The following CFAP299 variants were observed in gnomAD, a reference collection of about 807,000 sequenced individuals.
The protein encoded by CFAP299 is cilia- and flagella-associated protein 299.
CFAP299 carries 21 observed loss-of-function variants against 27.0 expected under a neutral mutation model. The observed-to-expected ratio is 0.78, with a 90% CI of 0.55 to 1.12. The LOEUF (loss-of-function observed/expected upper bound fraction) is 1.12, where lower values mean the gene tolerates loss of function less well. Ranked by LOEUF, CFAP299 falls within the 50% of genes most tolerant of loss-of-function variation. The pLI, the probability that CFAP299 is intolerant of heterozygous loss-of-function variation, is 0.00. For synonymous variants in CFAP299, 104 were observed against 98.1 expected, an observed-to-expected ratio of 1.06 and a Z score of -0.36; for missense variants, 310 against 276.6, an observed-to-expected ratio of 1.12 and a Z score of -0.86.
chr4:80,590,218 A>G (rs1736657979), intron 3 of CFAP299, among the ~76,000 whole-genome samples: 1 of 152,236 alleles, frequency 6.6e-6, no homozygotes, highest in South Asian at 2.1e-4. Context: ...ACACTCCGTC[A>G]CTGATGAATT....
chr4:80,651,298 TC>T (rs1560677735), intron 3 of CFAP299, among the ~76,000 whole-genome samples: 1 of 150,278 alleles, frequency 6.7e-6, no homozygotes, highest in Non-Finnish European at 1.5e-5. Flanking sequence ...TTACTCTCTC[TC>T]TCTTTCTTTC....
chr4:80,403,520 A>G (rs1043306342), intron 2 of CFAP299, among the ~76,000 whole-genome samples: 2 of 152,012 alleles, frequency 1.3e-5, no homozygotes, highest in African/African-American at 4.8e-5. Flanking sequence ...GGCCCTTTGC[A>G]TTTGCTATTC....
intron 2 of CFAP299, among the ~76,000 whole-genome samples, chr4:80,527,458 T>A (rs1192562811): frequency 1.3e-5 from 2 of 152,128 alleles, no homozygotes; most frequent in Non-Finnish European, 2.9e-5. Context: ...TTAATCTTTC[T>A]AGAATATCAC....
At position 80,727,769 on chromosome 4, in the gene CFAP299, A is replaced by G. The variant is rs114029752; in HGVS notation, c.334-142224A>G. On this transcript the variant is annotated intron_variant, in intron 3 of 5. Coordinates refer to ENST00000358105, the MANE Select transcript of CFAP299 (RefSeq NM_152770.3). ...TCATTTCAGGATGTTGCTCAAATATATTCTGTCATTACATTTGGGACAGAG... is the reference window on the plus strand; with the variant it reads ...TCATTTCAGGATGTTGCTCAAATATGTTCTGTCATTACATTTGGGACAGAG... Among the ~76,000 whole-genome samples the G allele has an allele frequency of 1.1e-3, 164 of 152,092 alleles. 1 individual carries two copies. The highest frequency in any genetic ancestry group is 3.7e-3 in the African/African-American group (155 of 41,550).
chr4:80,556,316 A>G (rs1465869079), intron 2 of CFAP299, among the ~76,000 whole-genome samples: 1 of 152,086 alleles, frequency 6.6e-6, no homozygotes, highest in Non-Finnish European at 1.5e-5. Context: ...GGATCAAAGA[A>G]AAACAAATTT....
intron 3 of CFAP299, among the ~76,000 whole-genome samples, chr4:80,726,889 A>G (rs967892296): frequency 6.6e-6 from 1 of 152,090 alleles, no homozygotes; most frequent in African/African-American, 2.4e-5. Flanking sequence ...GTGTTTATCA[A>G]TTGGTATTTT....
At chr4:80,573,603 A>G (rs575061055) in intron 2 of CFAP299, among the ~76,000 whole-genome samples, 2 of 152,198 alleles carry the variant, frequency 1.3e-5, no homozygotes, top group South Asian at 4.1e-4. Flanking sequence ...GAGGTCTTAG[A>G]TTTAAGTCTT....
intron 4 of CFAP299, among the ~76,000 whole-genome samples, chr4:80,912,068 C>A (rs1735498913): frequency 6.6e-6 from 1 of 151,932 alleles, no homozygotes; most frequent in Non-Finnish European, 1.5e-5. Context: ...AGCATTTGAT[C>A]CTCTAAATAA....
chr4:80,553,763 G>GT (rs1463770878), intron 2 of CFAP299, among the ~76,000 whole-genome samples: 5 of 152,102 alleles, frequency 3.3e-5, no homozygotes, highest in African/African-American at 7.2e-5. Flanking sequence ...TGATACTGAG[G>GT]TTTTTTCATA....
chr4:80,466,992 A>G (rs1729736322), intron 2 of CFAP299, among the ~76,000 whole-genome samples: 1 of 152,198 alleles, frequency 6.6e-6, no homozygotes, highest in African/African-American at 2.4e-5. Context: ...TACATAGTAG[A>G]ATTTAAAATT....
chr4:80,708,075 G>C (rs2110033827), intron 3 of CFAP299, among the ~76,000 whole-genome samples: 1 of 152,128 alleles, frequency 6.6e-6, no homozygotes, highest in Non-Finnish European at 1.5e-5. Flanking sequence ...ATAGAAATCA[G>C]GAATCTAGTA....
At chr4:80,530,288 C>A (rs1181663732) in intron 2 of CFAP299, among the ~76,000 whole-genome samples, 2 of 151,866 alleles carry the variant, frequency 1.3e-5, no homozygotes, top group Admixed American at 6.6e-5. Context: ...ATATTTCTTT[C>A]AAAAATATTA....
At chr4:80,414,321 C>T (rs959727395) in intron 2 of CFAP299, among the ~76,000 whole-genome samples, 1 of 151,860 alleles carries the variant, frequency 6.6e-6, no homozygotes, top group African/African-American at 2.4e-5. Context: ...CCGCCCGCCT[C>T]GGCCTCCCAA....
chr4:80,837,497 C>G (rs1413249446), intron 3 of CFAP299, among the ~76,000 whole-genome samples: 3 of 152,114 alleles, frequency 2.0e-5, no homozygotes, highest in African/African-American at 7.2e-5. Context: ...CATGTGTTCC[C>G]ATTGTTCAAC....
intron 3 of CFAP299, among the ~76,000 whole-genome samples, chr4:80,742,764 G>C (rs1437232617): frequency 6.6e-6 from 1 of 152,174 alleles, no homozygotes; most frequent in East Asian, 1.9e-4. Context: ...TAGAAGAGCA[G>C]CTTTGGATGT....
At chr4:80,437,619 G>T (rs952681365) in intron 2 of CFAP299, among the ~76,000 whole-genome samples, 2 of 152,166 alleles carry the variant, frequency 1.3e-5, no homozygotes, top group African/African-American at 4.8e-5. Context: ...CCAGAGGGGA[G>T]ACACTATCTC....
At chr4:80,402,900 G>C (rs1324874850) in intron 2 of CFAP299, among the ~76,000 whole-genome samples, 1 of 152,068 alleles carries the variant, frequency 6.6e-6, no homozygotes, top group East Asian at 1.9e-4. Context: ...GACAATATTG[G>C]GTTTGAAAAG....
chr4:80,354,363 T>G (rs1723157829), intron 1 of CFAP299, among the ~76,000 whole-genome samples: 1 of 152,218 alleles, frequency 6.6e-6, no homozygotes, highest in Non-Finnish European at 1.5e-5. Flanking sequence ...AGATGTACAG[T>G]TAAATGTTGA....
At chr4:80,522,006 A>G (rs935149013) in intron 2 of CFAP299, among the ~76,000 whole-genome samples, 2 of 151,900 alleles carry the variant, frequency 1.3e-5, no homozygotes, top group Non-Finnish European at 2.9e-5. Flanking sequence ...GCATCATATG[A>G]TAGTTCTTTT....
Sources: gnomAD v4.1 joint callset for allele counts (sites outside exome capture counted in the v4.1 genomes callset) on GRCh38, gnomAD v4.1.1 for gene constraint, MANE v1.5 for transcripts, NCBI Gene and HGNC (gene_info 2026-07-23, HGNC 2026-07-21) for gene names.